MAN1A2: variants seen among roughly 807,000 people sequenced by gnomAD.
MAN1A2 encodes mannosyl-oligosaccharide 1,2-alpha-mannosidase IB.
A neutral mutation model predicts 75.7 loss-of-function variants in MAN1A2; 26 were observed. That is an observed-to-expected ratio of 0.34 (90% CI 0.25 to 0.48). MAN1A2 has a LOEUF of 0.48. Among genes scored for constraint, MAN1A2 ranks in the 20% least tolerant of loss-of-function variants. The pLI is 0.99. For synonymous variants in MAN1A2, 247 were observed against 264.6 expected (o/e 0.93, Z 0.65); for missense variants, 562 against 775.5 (o/e 0.72, Z 3.27).
At chr1:117,502,015 T>C (rs1651216081) in intron 11 of MAN1A2, among the ~76,000 whole-genome samples, 1 of 151,806 alleles carries the variant, frequency 6.6e-6, no homozygotes, top group Non-Finnish European at 1.5e-5. Flanking sequence ...AATAAGGTTG[T>C]GAATAGATTC....
intron 5 of MAN1A2, among the ~76,000 whole-genome samples, chr1:117,437,106 T>C (rs1380025078): frequency 6.6e-6 from 1 of 152,148 alleles, no homozygotes; most frequent in Non-Finnish European, 1.5e-5. Context: ...CTCTCAGTGA[T>C]ACTGAAAAAT....
intron 1 of MAN1A2, among the ~76,000 whole-genome samples, chr1:117,387,707 T>C (rs1653583253): frequency 6.6e-6 from 1 of 152,150 alleles, no homozygotes; most frequent in Admixed American, 6.6e-5. Context: ...TACCATGGAC[T>C]GGCTGGTTTA....
At chr1:117,370,896 A>G (rs1368861183) in intron 1 of MAN1A2, among the ~76,000 whole-genome samples, 1 of 152,164 alleles carries the variant, frequency 6.6e-6, no homozygotes, top group Non-Finnish European at 1.5e-5. Context: ...CTTTATTAAT[A>G]GATTAGTATA....
At chr1:117,461,660 CTT>C (rs1038812729) in intron 7 of MAN1A2, among the ~76,000 whole-genome samples, 2 of 151,814 alleles carry the variant, frequency 1.3e-5, no homozygotes, top group Non-Finnish European at 2.9e-5. Context: ...ATGTATAACT[CTT>C]TATATCCATA....
chr1:117,447,100 G>A (rs1372266872), intron 6 of MAN1A2, among the ~76,000 whole-genome samples: 1 of 151,874 alleles, frequency 6.6e-6, no homozygotes, highest in Non-Finnish European at 1.5e-5. Context: ...TGTTTTCATG[G>A]TTTATCTCTT....
chr1:117,401,147 G>GT (rs767056945), intron 1 of MAN1A2, among the ~76,000 whole-genome samples: 1,639 of 134,980 alleles, frequency 0.012, 19 homozygotes, highest in African/African-American at 0.03. Flanking sequence ...TTGTATAAAG[G>GT]TTTTTTTTTT....
chr1:117,442,289 C>T lies in MAN1A2; in HGVS notation c.914C>T (p.Pro305Leu). ...AEKLLPAFNT[P>L]TGIPWAMVNL... ...AAACTCCTTCCTGCCTTTAACACAC[C>T]TACTGGGATTCCTTGGGCAATGGTG... Residue 305 changes from proline to leucine, a missense_variant, in exon 6 of 13, where the codon CCT becomes CTT. Pro to Leu is a moderately conservative substitution (Grantham distance 98). This residue lies in a region of MAN1A2 where 434 missense variants were observed against 645.7 expected (regional missense o/e 0.67). Coordinates refer to ENST00000356554, the MANE Select transcript of MAN1A2 (RefSeq NM_006699.5). 6.2e-7 allele frequency: 1 copy of T among 1,611,680 alleles called. No homozygotes were observed. Among genetic ancestry groups the T allele is most frequent in the African/African-American group, 1.3e-5 (1 of 74,958 alleles).
intron 6 of MAN1A2, among the ~76,000 whole-genome samples, chr1:117,446,238 G>T (rs1649232877): frequency 1.3e-5 from 2 of 151,334 alleles, no homozygotes; most frequent in Admixed American, 1.3e-4. Flanking sequence ...AAGTACTTCT[G>T]TTTTTGTTAA....
chr1:117,389,858 TATCAG>T (rs1226166245), intron 1 of MAN1A2, among the ~76,000 whole-genome samples: 5 of 152,100 alleles, frequency 3.3e-5, no homozygotes, highest in Non-Finnish European at 7.4e-5. Context: ...AGGTGCCCTG[TATCAG>T]ATTAGGAAAT....
chr1:117,437,370 G>A (rs1029892113), intron 5 of MAN1A2, among the ~76,000 whole-genome samples: 2 of 152,148 alleles, frequency 1.3e-5, no homozygotes, highest in African/African-American at 4.8e-5. Context: ...AGATTTTAGA[G>A]TAGTATCTTT....
rs545353289 is a variant in MAN1A2 at position 117,382,503 on chromosome 1, A to G, written c.302+14018A>G. 8.3e-4 allele frequency among the ~76,000 whole-genome samples: 126 copies of G among 152,066 alleles called. 2 individuals are homozygous for G. Among genetic ancestry groups the G allele is most frequent in the Non-Finnish European group, 1.4e-3 (92 of 67,988 alleles). The stretch of plus-strand genomic sequence containing the variant: ...GATCAGATAGTTGTAGATATGCGGC[A>G]TTATTTCTGAGGGCTCTGTTCTGTT... On this transcript the variant is annotated intron_variant, in intron 1 of 12. Coordinates refer to ENST00000356554, the MANE Select transcript of MAN1A2 (RefSeq NM_006699.5).
At chr1:117,522,014 A>T (rs1369487803) in intron 12 of MAN1A2, among the ~76,000 whole-genome samples, 1 of 151,876 alleles carries the variant, frequency 6.6e-6, no homozygotes, top group Non-Finnish European at 1.5e-5. Context: ...GATACAGTGG[A>T]CTTTGGGGAG....
chr1:117,509,138 AAG>A (rs1651457058), intron 12 of MAN1A2, among the ~76,000 whole-genome samples: 1 of 151,776 alleles, frequency 6.6e-6, no homozygotes, highest in Non-Finnish European at 1.5e-5. Context: ...GTACAAAAAA[AAG>A]AGCACTAAGT....
chr1:117,416,821 CTG>C (rs921408624), intron 4 of MAN1A2, among the ~76,000 whole-genome samples: 9 of 152,206 alleles, frequency 5.9e-5, no homozygotes, highest in African/African-American at 2.2e-4. Context: ...CTCAGGAAGA[CTG>C]TGTCAGAGCT....
intron 1 of MAN1A2, among the ~76,000 whole-genome samples, chr1:117,395,418 G>A (rs1168142435): frequency 6.6e-6 from 1 of 152,128 alleles, no homozygotes; most frequent in Admixed American, 6.5e-5. Context: ...GAATAATGGT[G>A]TTTGATAGAG....
intron 12 of MAN1A2, among the ~76,000 whole-genome samples, chr1:117,504,127 T>C (rs901061839): frequency 6.6e-6 from 1 of 151,468 alleles, no homozygotes; most frequent in Non-Finnish European, 1.5e-5. Flanking sequence ...TTCTGACTTA[T>C]CCTTTGTGAT....
chr1:117,470,073 A>G (rs754486121), intron 8 of MAN1A2, among the ~76,000 whole-genome samples: 5 of 152,262 alleles, frequency 3.3e-5, no homozygotes, highest in Non-Finnish European at 5.9e-5. Context: ...CAAATGTCCA[A>G]CAGATGAATG....
intron 6 of MAN1A2, among the ~76,000 whole-genome samples, chr1:117,451,989 A>AAAAAC (rs1271333475): frequency 1.3e-5 from 2 of 151,920 alleles, no homozygotes; most frequent in Non-Finnish European, 2.9e-5. Context: ...CCCTGTCTCA[A>AAAAAC]AAAACAAAAC....
intron 1 of MAN1A2, among the ~76,000 whole-genome samples, chr1:117,388,673 G>A (rs1653619794): frequency 6.6e-6 from 1 of 152,006 alleles, no homozygotes; most frequent in African/African-American, 2.4e-5. Flanking sequence ...CCAAACACCT[G>A]CCAACAAGCC....
Sources: gnomAD v4.1 joint callset for allele counts (sites outside exome capture counted in the v4.1 genomes callset) on GRCh38, gnomAD v4.1.1 for gene constraint, gnomAD v4.1.1 regional missense constraint, MANE v1.5 for transcripts, NCBI Gene and HGNC (gene_info 2026-07-23, HGNC 2026-07-21) for gene names.